Variants in PLEKHM3 observed in about 807,000 individuals in gnomAD.
PLEKHM3 encodes pleckstrin homology domain-containing family M member 3.
A neutral mutation model predicts 81.8 loss-of-function variants in PLEKHM3; 45 were observed. That is an observed-to-expected ratio of 0.55 (90% CI 0.43 to 0.71). The LOEUF (loss-of-function observed/expected upper bound fraction) is 0.71. Ranked by LOEUF, PLEKHM3 falls within the 30% of genes least tolerant of loss-of-function variation. The pLI is 0.00. For synonymous variants in PLEKHM3, 352 were observed against 356.4 expected (o/e 0.99, Z 0.14); for missense variants, 788 against 924.3 (o/e 0.85, Z 1.91).
At chr2:207,970,526 C>CA (rs948800058) in intron 3 of PLEKHM3, among the ~76,000 whole-genome samples, 12 of 152,016 alleles carry the variant, frequency 7.9e-5, no homozygotes, top group South Asian at 2.1e-4. Flanking sequence ...GAATTTATAA[C>CA]AAAAAAAACT....
At chr2:207,854,001 C>T (rs2092426078) in intron 7 of PLEKHM3, among the ~76,000 whole-genome samples, 1 of 151,878 alleles carries the variant, frequency 6.6e-6, no homozygotes, top group Non-Finnish European at 1.5e-5. Context: ...AAACTCCTGA[C>T]CTCAAGTGAT....
intron 6 of PLEKHM3, among the ~76,000 whole-genome samples, chr2:207,906,756 T>C (rs1688624041): frequency 6.6e-6 from 1 of 152,192 alleles, no homozygotes; most frequent in South Asian, 2.1e-4. Flanking sequence ...ACCCCTGTAC[T>C]ACTGCCTGGG....
intron 7 of PLEKHM3, among the ~76,000 whole-genome samples, chr2:207,835,708 T>C (rs1314473407): frequency 6.6e-6 from 1 of 152,226 alleles, no homozygotes; most frequent in African/African-American, 2.4e-5. Flanking sequence ...AACTAGTATA[T>C]ATAGCTCTGA....
rs573750169 is a variant in PLEKHM3 at position 207,867,765 on chromosome 2, A to C, written c.1951-6503T>G. 5.3e-4 allele frequency among the ~76,000 whole-genome samples: 81 copies of C among 152,240 alleles called. 1 individual carries two copies. Among genetic ancestry groups the C allele is most frequent in the African/African-American group, 1.5e-3 (63 of 41,528 alleles). ...TTATTTTGGATACGTGCTCAAAAAT[A>C]AATCAATTGTCTTTCCTCCCACCAT... On this transcript the variant is annotated intron_variant, in intron 6 of 7. Transcript: ENST00000427836.
intron 6 of PLEKHM3, among the ~76,000 whole-genome samples, chr2:207,871,325 G>A (rs899282917): frequency 3.3e-5 from 5 of 151,968 alleles, no homozygotes; most frequent in African/African-American, 1.2e-4. Context: ...CTTAAATTTT[G>A]GCTAATCAAG....
chr2:207,988,199 TATAAG>T (rs1159026362), intron 2 of PLEKHM3, among the ~76,000 whole-genome samples: 1 of 152,190 alleles, frequency 6.6e-6, no homozygotes, highest in Non-Finnish European at 1.5e-5. Flanking sequence ...CTCTTGTATA[TATAAG>T]ATGCTTGGCT....
intron 3 of PLEKHM3, among the ~76,000 whole-genome samples, chr2:207,951,076 C>T (rs1690312940): frequency 6.6e-6 from 1 of 152,174 alleles, no homozygotes; most frequent in Non-Finnish European, 1.5e-5. Flanking sequence ...TGCAAGATTT[C>T]CTTTACTATC....
At chr2:207,879,032 C>T (rs999234366) in intron 6 of PLEKHM3, among the ~76,000 whole-genome samples, 1 of 152,066 alleles carries the variant, frequency 6.6e-6, no homozygotes, top group African/African-American at 2.4e-5. Context: ...TTCCCTGAAA[C>T]ATCTATTATG....
At chr2:207,994,983 C>A (rs1692022895) in intron 2 of PLEKHM3, among the ~76,000 whole-genome samples, 1 of 152,130 alleles carries the variant, frequency 6.6e-6, no homozygotes, top group Non-Finnish European at 1.5e-5. Flanking sequence ...ACCTATGTAA[C>A]AAACTGGCAC....
intron 6 of PLEKHM3, among the ~76,000 whole-genome samples, chr2:207,880,780 A>AAAAAAAAAAAAAAAAAAAAAAC (rs1559219087): frequency 7.3e-6 from 1 of 136,452 alleles, no homozygotes; most frequent in Non-Finnish European, 1.6e-5. Flanking sequence ...AAAAAAAAAA[A>AAAAAAAAAAAAAAAAAAAAAAC]AAAAAAAACC....
At chr2:207,966,330 T>C (rs1690905866) in intron 3 of PLEKHM3, among the ~76,000 whole-genome samples, 2 of 152,232 alleles carry the variant, frequency 1.3e-5, no homozygotes, top group South Asian at 2.1e-4. Context: ...TTTTCACCCA[T>C]GGCCATCAAG....
Position 207,970,917 on chromosome 2 carries a change from C to T in PLEKHM3, c.1546+5734G>A, listed in dbSNP as rs575144554. ...GAGAGATGTAATTACCAACAGCAGT[C>T]CCAAGAGGTTAAACAGCAGCCAAGG... On this transcript the variant is annotated intron_variant, in intron 3 of 7. Coordinates refer to ENST00000427836, the MANE Select transcript of PLEKHM3 (RefSeq NM_001080475.3). 1.2e-4 allele frequency among the ~76,000 whole-genome samples: 19 copies of T among 152,326 alleles called. No homozygotes were observed. In the South Asian group the frequency reaches 3.9e-3, roughly 32 times the overall value.
chr2:207,909,615 T>C (rs1476948429), intron 5 of PLEKHM3, among the ~76,000 whole-genome samples: 1 of 152,180 alleles, frequency 6.6e-6, no homozygotes, highest in African/African-American at 2.4e-5. Flanking sequence ...GAGTTATGCA[T>C]GGGGTCCATA....
rs1291439123 is a variant in PLEKHM3, at chr2:207,997,405, A to G, written c.610+3625T>C. On this transcript the variant is annotated intron_variant, in intron 2 of 7. Coordinates refer to ENST00000427836, the MANE Select transcript of PLEKHM3 (RefSeq NM_001080475.3). The stretch of plus-strand genomic sequence containing the variant: ...AAAGAGATGGAGGAGGGTAGGAGGA[A>G]GGAGCAGACGAGGGAAGAAGCACTT... Among the ~76,000 whole-genome samples, 3 of 152,314 alleles carry G rather than the reference A, an allele frequency of 2.0e-5. No homozygotes were observed. In the East Asian group the frequency reaches 5.8e-4, roughly 29 times the overall value.
intron 2 of PLEKHM3, among the ~76,000 whole-genome samples, chr2:207,980,629 C>T (rs577063289): frequency 4.6e-5 from 7 of 152,118 alleles, no homozygotes; most frequent in South Asian, 4.2e-4. Flanking sequence ...AGTGCAATGG[C>T]GTTATCATGA....
chr2:207,977,399 A>T lies in PLEKHM3; in HGVS notation c.798T>A (p.Ser266=). The stretch of plus-strand genomic sequence containing the variant: ...TCCTGGCCTCCAGGTTGCCTAAAAC[A>T]GATATGCTCTGGAAGTGTGAAAGCT... ...TYQLSHFQSI[S]VLGNLEARMV... The change falls in exon 3 of 8, where the codon TCT becomes TCA. Residue 266 remains serine, a synonymous_variant. Coordinates refer to ENST00000427836, the MANE Select transcript of PLEKHM3 (RefSeq NM_001080475.3). The T allele has an allele frequency of 6.2e-7, 1 of 1,614,178 alleles. No individual in the cohort carries two copies. The highest frequency in any genetic ancestry group is 8.5e-7 in the Non-Finnish European group (1 of 1,180,032).
intron 5 of PLEKHM3, among the ~76,000 whole-genome samples, chr2:207,918,742 T>C (rs1211643345): frequency 1.3e-5 from 2 of 152,194 alleles, no homozygotes; most frequent in Non-Finnish European, 2.9e-5. Flanking sequence ...CTTCATTCAT[T>C]TAATTAATTT....
chr2:207,892,322 C>T (rs1048288038), intron 6 of PLEKHM3, among the ~76,000 whole-genome samples: 3 of 152,146 alleles, frequency 2.0e-5, no homozygotes, highest in East Asian at 3.8e-4. Context: ...TAAATGTACA[C>T]AGCATACCAT....
intron 7 of PLEKHM3, among the ~76,000 whole-genome samples, chr2:207,840,367 C>A (rs7574706): frequency 0.59 from 89,130 of 151,648 alleles, 26,784 homozygotes; most frequent in African/African-American, 0.67. Context: ...ATTAAAAAAA[C>A]CATTGTTTTT....
Sources: gnomAD v4.1 joint callset for allele counts (sites outside exome capture counted in the v4.1 genomes callset) on GRCh38, gnomAD v4.1.1 for gene constraint, MANE v1.5 for transcripts, NCBI Gene and HGNC (gene_info 2026-07-23, HGNC 2026-07-21) for gene names.